The following LNPK variants were observed in gnomAD, a reference collection of about 807,000 sequenced individuals.
LNPK encodes the protein lunapark, ER junction formation factor, also known as endoplasmic reticulum junction formation protein lunapark.
LNPK carries 29 observed loss-of-function variants against 55.2 expected under a neutral mutation model. The ratio of observed to expected loss-of-function variants is 0.53; its 90% CI spans 0.39 to 0.72. The LOEUF (loss-of-function observed/expected upper bound fraction) is 0.72, where lower values mean the gene tolerates loss of function less well. Among genes scored for constraint, LNPK ranks in the 30% least tolerant of loss-of-function variants. The pLI is 0.00. For missense variants in LNPK, 467 were observed against 494.8 expected, an observed-to-expected ratio of 0.94 and a Z score of 0.53; for synonymous variants, 162 against 168.2, an observed-to-expected ratio of 0.96 and a Z score of 0.29.
In LNPK at chr2:175,964,514, T is replaced by G; in HGVS notation, c.433A>C (p.Lys145Gln). The change falls in exon 7 of 13, where the codon AAA becomes CAA. Residue 145 changes from lysine to glutamine, a missense_variant. Physicochemically the swap from Lys to Gln is moderately conservative, Grantham distance 53 (BLOSUM62 1). Coordinates refer to ENST00000272748, the MANE Select transcript of LNPK (RefSeq NM_030650.3). ...TGATATCACAGTCTTACCTTTGCTT[T>G]CTTTGAGTCCGGATCAAACCTTTCA... ...ILERFDPDSK[K>Q]AKECEPPSAG... 1 of 1,606,694 alleles carries G rather than the reference T, an allele frequency of 6.2e-7. No individual in the cohort carries two copies. The highest frequency in any genetic ancestry group is 8.5e-7 in the Non-Finnish European group (1 of 1,173,346).
intron 4 of LNPK, among the ~76,000 whole-genome samples, chr2:175,991,652 A>AC (rs761518608): frequency 3.3e-5 from 5 of 152,218 alleles, no homozygotes; most frequent in African/African-American, 4.8e-5. Context: ...TATGTACCAT[A>AC]CACCATTATA....
intron 8 of LNPK, among the ~76,000 whole-genome samples, chr2:175,951,509 G>A (rs957801207): frequency 2.0e-5 from 3 of 149,406 alleles, no homozygotes; most frequent in African/African-American, 7.5e-5. Flanking sequence ...TAGAGTAATA[G>A]TCTCCAATCT....
intron 9 of LNPK, among the ~76,000 whole-genome samples, chr2:175,942,477 C>T (rs949131755): frequency 6.6e-6 from 1 of 152,048 alleles, no homozygotes; most frequent in Non-Finnish European, 1.5e-5. Context: ...ATTCACGTAA[C>T]ACAATGTATG....
intron 2 of LNPK, 25 bp from the exon 3 acceptor site, chr2:175,993,248 A>C (rs763756375): frequency 6.8e-7 from 1 of 1,468,154 alleles, no homozygotes; most frequent in South Asian, 1.3e-5. Flanking sequence ...GAAACAAGAG[A>C]CAGCATTAAA....
rs140101462 is a variant in LNPK at position 175,969,190 on chromosome 2, A to C, written c.357+1574T>G. ...ATTAATAAAGTGAATTAGAGCCAAC[A>C]TTTTTCTTTAGTCAAACTGCAAGAG... On this transcript the variant is annotated intron_variant, in intron 6 of 12. Transcript: ENST00000272748. Among the ~76,000 whole-genome samples, 3 of 152,274 alleles carry C rather than the reference A, an allele frequency of 2.0e-5. No individual in the cohort carries two copies. In the East Asian group the frequency reaches 5.8e-4, roughly 29 times the overall value.
chr2:175,937,297 A>G lies in LNPK; in HGVS notation c.1054+47T>C, dbSNP rs571165077. 6 of 1,522,526 alleles carry G rather than the reference A, an allele frequency of 3.9e-6. No individual in the cohort carries two copies. The East Asian group carries it at 1.4e-4, about 34-fold the overall frequency. The allele number at this position is 1,522,526 out of a possible 1,614,324, so 94.3% of individuals were successfully genotyped here. ...AAAGCATTATGCTTTTATTACTGTT[A>G]AATAACACATGTTATTAAGGGGCAA... On this transcript the variant is annotated intron_variant, in intron 12 of 12. Coordinates refer to ENST00000272748, the MANE Select transcript of LNPK (RefSeq NM_030650.3).
chr2:175,968,956 C>T (rs749060895), intron 6 of LNPK, among the ~76,000 whole-genome samples: 25 of 151,170 alleles, frequency 1.7e-4, no homozygotes, highest in Admixed American at 1.1e-3. Context: ...AGGCAGAGGT[C>T]GCAGTGACCC....
At chr2:175,988,339 TA>T (rs112567631) in intron 4 of LNPK, among the ~76,000 whole-genome samples, 14 of 145,416 alleles carry the variant, frequency 9.6e-5, no homozygotes, top group South Asian at 2.2e-4. Flanking sequence ...CCATCTCTAC[TA>T]AAAAAAAAAC....
At chr2:175,961,549 G>A (rs1241304608) in intron 8 of LNPK, among the ~76,000 whole-genome samples, 2 of 152,032 alleles carry the variant, frequency 1.3e-5, no homozygotes, top group Non-Finnish European at 2.9e-5. Context: ...GATGGGACGT[G>A]TCTCAAAATA....
chr2:175,995,040 G>A (rs1687869054), intron 2 of LNPK, among the ~76,000 whole-genome samples: 1 of 149,486 alleles, frequency 6.7e-6, no homozygotes, highest in Non-Finnish European at 1.5e-5. Context: ...TCCTGTCTCA[G>A]CCTCCCGAGT....
At chr2:175,977,067 G>A (rs963908675) in intron 5 of LNPK, among the ~76,000 whole-genome samples, 2 of 152,100 alleles carry the variant, frequency 1.3e-5, no homozygotes, top group African/African-American at 2.4e-5. Context: ...TTCTCTTTTG[G>A]CCATGTTACT....
intron 9 of LNPK, among the ~76,000 whole-genome samples, chr2:175,946,829 CCATGCCCCAGTCA>C (rs1338744885): frequency 6.6e-6 from 1 of 152,120 alleles, no homozygotes; most frequent in East Asian, 1.9e-4. Flanking sequence ...CAGTGGACTT[CCATGCCCCAGTCA>C]CACTCCAAAA....
At chr2:175,993,701 G>A (rs994183568) in intron 2 of LNPK, among the ~76,000 whole-genome samples, 3 of 151,986 alleles carry the variant, frequency 2.0e-5, no homozygotes, top group Admixed American at 2.0e-4. Flanking sequence ...GCTGAGGCAC[G>A]AGAATTGATT....
Position 175,929,249 on chromosome 2 carries a change from T to C in LNPK, c.*718A>G. 1.0e-6 allele frequency: 1 copy of C among 957,392 alleles called. No homozygotes were observed. The highest frequency in any genetic ancestry group is 1.2e-6 in the Non-Finnish European group (1 of 804,058). 59.3% of individuals were successfully genotyped at this position (957,392 alleles called of 1,614,324 possible). A position where few individuals can be genotyped will look rare whatever the true frequency, so the allele number is the denominator to read the frequency against. On this transcript the variant is annotated 3_prime_UTR_variant, in exon 13 of 13. Transcript: ENST00000272748. ...TAGGGTCAAGTGCAGAAATATTTCC[T>C]ATATGCTAGTGTGTAAATATAAACT...
At position 175,924,245 on chromosome 2, in the gene LNPK, G is replaced by T. The variant is rs1485242582; in HGVS notation, c.*5722C>A. 1 of 152,138 alleles carries T rather than the reference G, an allele frequency of 6.6e-6. No homozygotes were observed. Among genetic ancestry groups the T allele is most frequent in the Non-Finnish European group, 1.5e-5 (1 of 68,034 alleles). The allele number at this position is 152,138 out of a possible 1,614,324, so 9.4% of individuals were successfully genotyped here. Reference sequence around the variant, plus strand: ...TACAGTATATTCTCCCAATTTTCTAGAGTAGCTAGTCTCCATGACCATTTC... The same window carrying T: ...TACAGTATATTCTCCCAATTTTCTATAGTAGCTAGTCTCCATGACCATTTC... On this transcript the variant is annotated 3_prime_UTR_variant, in exon 13 of 13. Coordinates refer to ENST00000272748, the MANE Select transcript of LNPK (RefSeq NM_030650.3).
chr2:175,933,313 A>G (rs1022594007), intron 12 of LNPK, among the ~76,000 whole-genome samples: 3 of 152,210 alleles, frequency 2.0e-5, no homozygotes, highest in Admixed American at 1.3e-4. Context: ...AAAAACATGT[A>G]AAGAATATCA....
chr2:175,938,118 T>C (rs1574811315), intron 11 of LNPK, among the ~76,000 whole-genome samples, 195 bp downstream of exon 11: 1 of 152,138 alleles, frequency 6.6e-6, no homozygotes, highest in African/African-American at 2.4e-5. Context: ...ACAACTGGCC[T>C]AGGGGCTGTA....
chr2:175,952,736 C>A (rs2105583470), intron 8 of LNPK, among the ~76,000 whole-genome samples: 1 of 152,062 alleles, frequency 6.6e-6, no homozygotes, highest in East Asian at 1.9e-4. Context: ...ACTTCTTAAC[C>A]CAACTCAATC....
At chr2:175,932,424 A>T (rs1684320638) in intron 12 of LNPK, among the ~76,000 whole-genome samples, 1 of 152,216 alleles carries the variant, frequency 6.6e-6, no homozygotes, top group Non-Finnish European at 1.5e-5. Context: ...TGTATTTCAG[A>T]GAATATGTGG....
Sources: allele counts gnomAD v4.1 joint callset (sites outside exome capture counted in the v4.1 genomes callset), GRCh38; gene constraint gnomAD v4.1.1; transcripts MANE v1.5; gene names NCBI Gene and HGNC (gene_info 2026-07-23, HGNC 2026-07-21).